Variants in RAB40C observed in about 807,000 individuals in gnomAD.
The protein encoded by RAB40C is RAB40C, member RAS oncogene family.
In RAB40C, 8 loss-of-function variants were observed where a neutral mutation model predicts 28.1. The observed-to-expected ratio is 0.28, with a 90% CI of 0.17 to 0.51. RAB40C has a LOEUF of 0.51. RAB40C is among the 20% of genes least tolerant of loss of function. The pLI is 0.97. For synonymous variants in RAB40C, 201 were observed against 171.7 expected (o/e 1.17, Z -1.34); for missense variants, 288 against 405.9 (o/e 0.71, Z 2.50).
intron 3 of RAB40C, among the ~76,000 whole-genome samples, chr16:623,311 ACTT>A (rs2151080204): frequency 6.6e-6 from 1 of 152,214 alleles, no homozygotes; most frequent in African/African-American, 2.4e-5. Context: ...GTCCATATAA[ACTT>A]CTTCAGTGTA....
Position 624,173 on chromosome 16 carries a change from G to A in RAB40C, c.265-1259G>A, listed in dbSNP as rs1300642246. 3 of 985,450 alleles carry A rather than the reference G, an allele frequency of 3.0e-6. No individual in the cohort carries two copies. In the African/African-American group the frequency reaches 5.2e-5, roughly 17 times the overall value. 61.0% of individuals were successfully genotyped at this position (985,450 alleles called of 1,614,324 possible). A position where few individuals can be genotyped will look rare whatever the true frequency, so the allele number is the denominator to read the frequency against. ...GACACACATCCTCAGTTACTTCTGA[G>A]TTGTGGGCTTGCCATGCGGGAGGTT... is the stretch of plus-strand genomic sequence containing the variant. On this transcript the variant is annotated intron_variant, in intron 3 of 5. Coordinates refer to ENST00000248139, the MANE Select transcript of RAB40C (RefSeq NM_021168.5).
intron 1 of RAB40C, among the ~76,000 whole-genome samples, chr16:591,519 C>T (rs555822898): frequency 3.3e-5 from 5 of 152,084 alleles, no homozygotes; most frequent in African/African-American, 4.8e-5. Flanking sequence ...AGGGAGTCAA[C>T]GCTTTGTGCT....
intron 1 of RAB40C, among the ~76,000 whole-genome samples, chr16:602,575 C>T (rs535384646): frequency 2.9e-4 from 44 of 152,124 alleles, no homozygotes; most frequent in African/African-American, 1.0e-3. Flanking sequence ...ATTACAGGCA[C>T]CTGCCACCAC....
upstream of RAB40C, chr16:589,866 G>A (rs2035949913): frequency 6.6e-6 from 1 of 152,312 alleles, no homozygotes. Flanking sequence ...CAATGGCTGA[G>A]GGAAGGAGGG....
At chr16:595,795 G>A (rs1596397465) in intron 1 of RAB40C, among the ~76,000 whole-genome samples, 1 of 152,050 alleles carries the variant, frequency 6.6e-6, no homozygotes, top group Non-Finnish European at 1.5e-5. Flanking sequence ...TAGAGATGGG[G>A]TTTCACTGTG....
intron 1 of RAB40C, among the ~76,000 whole-genome samples, chr16:611,457 A>G (rs2036482966): frequency 6.6e-6 from 1 of 152,236 alleles, no homozygotes; most frequent in African/African-American, 2.4e-5. Context: ...TTCAACAGCC[A>G]GGACCAAAAT....
At chr16:623,824 C>T in intron 3 of RAB40C, 2 of 374,462 alleles carry the variant, frequency 5.3e-6, no homozygotes, top group Non-Finnish European at 7.4e-6. Flanking sequence ...GTGGTTCACA[C>T]CTGTATTCCC....
intron 1 of RAB40C, among the ~76,000 whole-genome samples, chr16:608,072 A>G (rs753325935): frequency 6.6e-6 from 1 of 152,154 alleles, no homozygotes; most frequent in Admixed American, 6.6e-5. Context: ...CGCTGCTAGG[A>G]AGAAATACCC....
intron 1 of RAB40C, among the ~76,000 whole-genome samples, chr16:598,799 G>C (rs1224536569): frequency 6.6e-6 from 1 of 152,124 alleles, no homozygotes; most frequent in East Asian, 1.9e-4. Flanking sequence ...TCCTGGAAAT[G>C]GGCAGGTACT....
At chr16:616,029 G>A (rs373285793) in intron 1 of RAB40C, among the ~76,000 whole-genome samples, 5 of 152,144 alleles carry the variant, frequency 3.3e-5, no homozygotes, top group South Asian at 4.1e-4. Flanking sequence ...AGGCTGAGGC[G>A]GGTGGATCAT....
chr16:619,360 C>T (rs965296306), intron 3 of RAB40C, among the ~76,000 whole-genome samples: 16 of 151,856 alleles, frequency 1.1e-4, no homozygotes, highest in Admixed American at 6.6e-4. Context: ...ACAGGTCTGG[C>T]GGGGGCACTG....
intron 1 of RAB40C, among the ~76,000 whole-genome samples, chr16:596,671 G>A (rs554406872): frequency 3.3e-5 from 5 of 152,308 alleles, no homozygotes; most frequent in South Asian, 2.1e-4. Context: ...TGGAACTGGC[G>A]GGTGTCAGGG....
chr16:608,172 G>A (rs968888225), intron 1 of RAB40C, among the ~76,000 whole-genome samples: 3 of 152,232 alleles, frequency 2.0e-5, no homozygotes, highest in African/African-American at 7.2e-5. Flanking sequence ...AGTCATGGCG[G>A]AAGGTACCTC....
chr16:618,504 C>T (rs1203557362), intron 3 of RAB40C, among the ~76,000 whole-genome samples: 1 of 152,276 alleles, frequency 6.6e-6, no homozygotes, highest in African/African-American at 2.4e-5. Flanking sequence ...ATTCTCCTGC[C>T]TCAGCCTCCC....
At chr16:621,443 C>T (rs919772111) in intron 3 of RAB40C, among the ~76,000 whole-genome samples, 17 of 152,248 alleles carry the variant, frequency 1.1e-4, no homozygotes, top group African/African-American at 3.9e-4. Flanking sequence ...GGAAGGTCCC[C>T]GCGGCCTGGG....
chr16:625,848 G>C, intron 4 of RAB40C, 51 bp from the exon 5 acceptor site: 2 of 1,514,692 alleles, frequency 1.3e-6, no homozygotes, highest in Non-Finnish European at 1.8e-6. Context: ...CTGCGGCTGA[G>C]GGGTGGGTGG....
chr16:615,359 C>G (rs968294125), intron 1 of RAB40C, among the ~76,000 whole-genome samples: 2 of 152,206 alleles, frequency 1.3e-5, no homozygotes, highest in African/African-American at 4.8e-5. Context: ...CACGGAGAGA[C>G]AGATGTGCAC....
At chr16:609,258 G>C (rs557444639) in intron 1 of RAB40C, among the ~76,000 whole-genome samples, 1 of 152,288 alleles carries the variant, frequency 6.6e-6, no homozygotes, top group African/African-American at 2.4e-5. Context: ...GCAGTGCCTG[G>C]TGTGGTTCCC....
chr16:620,746 G>A (rs1457204234), intron 3 of RAB40C, among the ~76,000 whole-genome samples: 3 of 91,596 alleles, frequency 3.3e-5, no homozygotes, highest in Admixed American at 2.3e-4. Context: ...GCTCCACCGC[G>A]GGCATCCCAG....
Sources: gnomAD v4.1 joint callset for allele counts (sites outside exome capture counted in the v4.1 genomes callset) on GRCh38, gnomAD v4.1.1 for gene constraint, MANE v1.5 for transcripts, NCBI Gene and HGNC (gene_info 2026-07-23, HGNC 2026-07-21) for gene names.